The following TP53INP1 variants were observed in gnomAD, a reference collection of about 807,000 sequenced individuals.
The protein encoded by TP53INP1 is tumor protein p53 inducible nuclear protein 1.
In TP53INP1, 12 loss-of-function variants were observed where a neutral mutation model predicts 21.0. The ratio of observed to expected loss-of-function variants is 0.57; its 90% CI spans 0.37 to 0.93. The LOEUF is 0.93. TP53INP1 is among the 40% of genes least tolerant of loss of function. The probability of loss-of-function intolerance (pLI) is 0.01; values close to 1 mark genes in which losing one functional copy is unlikely to be tolerated. For missense variants in TP53INP1, 274 were observed against 294.7 expected, an observed-to-expected ratio of 0.93 and a Z score of 0.51; for synonymous variants, 91 against 94.8, an observed-to-expected ratio of 0.96 and a Z score of 0.23.
intron 1 of TP53INP1, among the ~76,000 whole-genome samples, chr8:94,944,995 C>T (rs1436655667): frequency 6.6e-6 from 1 of 152,192 alleles, no homozygotes; most frequent in Non-Finnish European, 1.5e-5. Flanking sequence ...CTAAAACTGT[C>T]CACTGAGGTA....
Position 94,949,138 on chromosome 8 carries a change from C to CCG in TP53INP1, c.-151+15_-151+16insCG, listed in dbSNP as rs1822311046. The CCG allele has an allele frequency of 6.7e-6, 1 of 149,382 alleles. No homozygotes were observed. Among genetic ancestry groups the CCG allele is most frequent in the South Asian group, 2.1e-4 (1 of 4,822 alleles). 9.3% of individuals were successfully genotyped at this position (149,382 alleles called of 1,614,324 possible). On this transcript the variant is annotated intron_variant, in intron 1 of 3. Coordinates refer to ENST00000342697, the MANE Select transcript of TP53INP1 (RefSeq NM_033285.4). The stretch of plus-strand genomic sequence containing the variant: ...GGCCCTGGACGGACGCCCGCCCGCC[C>CCG]CCCCCCGGCACTTACGTGGGCCCGG...
chr8:94,942,799 C>T (rs1286903150), intron 1 of TP53INP1, among the ~76,000 whole-genome samples: 2 of 152,142 alleles, frequency 1.3e-5, no homozygotes, highest in Non-Finnish European at 2.9e-5. Flanking sequence ...GGCAAAGGAA[C>T]ACTATGGAAG....
intron 3 of TP53INP1, among the ~76,000 whole-genome samples, chr8:94,938,293 T>G (rs182194896): frequency 1.4e-4 from 22 of 152,350 alleles, no homozygotes; most frequent in Non-Finnish European, 2.9e-5. Flanking sequence ...GATTCTGGTG[T>G]TGTGCCAGTA....
intron 1 of TP53INP1, among the ~76,000 whole-genome samples, chr8:94,941,983 A>C (rs1270215153): frequency 6.6e-6 from 1 of 152,012 alleles, no homozygotes; most frequent in African/African-American, 2.4e-5. Context: ...CTTTCTCAGG[A>C]AGCAGCAGCA....
intron 2 of TP53INP1, 34 bp from the exon 3 acceptor site, chr8:94,940,254 T>C (rs746318392): frequency 1.9e-6 from 3 of 1,559,752 alleles, no homozygotes; most frequent in Non-Finnish European, 2.6e-6. Context: ...TCCACATGTG[T>C]TGTTGAAGAG....
At chr8:94,931,050 C>G (rs1210580108) in intron 3 of TP53INP1, among the ~76,000 whole-genome samples, 1 of 152,164 alleles carries the variant, frequency 6.6e-6, no homozygotes, top group East Asian at 1.9e-4. Flanking sequence ...GGGAGGGGAG[C>G]TAACATTTAT....
intron 3 of TP53INP1, among the ~76,000 whole-genome samples, chr8:94,937,069 A>G (rs556645952): frequency 6.6e-6 from 1 of 152,280 alleles, no homozygotes; most frequent in African/African-American, 2.4e-5. Context: ...TACTTAACCA[A>G]TGGAAGATGC....
At position 94,947,161 on chromosome 8, in the gene TP53INP1, C is replaced by T. The variant is rs146883579; in HGVS notation, c.-151+1993G>A. On this transcript the variant is annotated intron_variant, in intron 1 of 3. Coordinates refer to ENST00000342697, the MANE Select transcript of TP53INP1 (RefSeq NM_033285.4). ...ATTAGGGCAAAAATCCATCTGATTCCAATTCCTTGTTTTCCCTATACATGC... is the reference window on the plus strand; with the variant it reads ...ATTAGGGCAAAAATCCATCTGATTCTAATTCCTTGTTTTCCCTATACATGC... 9.7e-3 allele frequency among the ~76,000 whole-genome samples: 1,477 copies of T among 152,138 alleles called. 16 individuals carry two copies. The highest frequency in any genetic ancestry group is 0.011 in the Non-Finnish European group (777 of 68,014).
rs1294134246 is a variant in TP53INP1, at chr8:94,938,771, A to G, written c.473+1089T>C. Among the ~76,000 whole-genome samples the G allele has an allele frequency of 2.0e-5, 3 of 152,166 alleles. No homozygotes were observed. The East Asian group carries it at 5.8e-4, about 29-fold the overall frequency. On this transcript the variant is annotated intron_variant, in intron 3 of 3. Coordinates refer to ENST00000342697, the MANE Select transcript of TP53INP1 (RefSeq NM_033285.4). ...GCATCCCTTCATCTGTATCCTTTTTAATAAACTGGTAAACATGTTCCCCCA... is the reference window on the plus strand; with the variant it reads ...GCATCCCTTCATCTGTATCCTTTTTGATAAACTGGTAAACATGTTCCCCCA...
chr8:94,938,936 G>A (rs1320859476), intron 3 of TP53INP1, among the ~76,000 whole-genome samples: 1 of 152,176 alleles, frequency 6.6e-6, no homozygotes, highest in Non-Finnish European at 1.5e-5. Context: ...AGTCTTTTGG[G>A]ACTAAGCCTT....
intron 1 of TP53INP1, among the ~76,000 whole-genome samples, chr8:94,948,834 G>A (rs972832290): frequency 3.3e-5 from 5 of 152,054 alleles, no homozygotes; most frequent in Non-Finnish European, 4.4e-5. Flanking sequence ...ACGCTCGGGG[G>A]AGGAGGCAGA....
chr8:94,946,077 C>G (rs1298754545), intron 1 of TP53INP1, among the ~76,000 whole-genome samples: 1 of 150,186 alleles, frequency 6.7e-6, no homozygotes, highest in African/African-American at 2.4e-5. Context: ...CTTGTTCCCA[C>G]CACTTAACAC....
chr8:94,948,829 C>G (rs370843658), intron 1 of TP53INP1, among the ~76,000 whole-genome samples: 18 of 152,014 alleles, frequency 1.2e-4, no homozygotes. Flanking sequence ...AAGCCACGCT[C>G]GGGGGAGGAG....
intron 3 of TP53INP1, among the ~76,000 whole-genome samples, chr8:94,937,183 A>G (rs1821060443): frequency 6.6e-6 from 1 of 152,192 alleles, no homozygotes; most frequent in South Asian, 2.1e-4. Context: ...ACAGCCCATA[A>G]TGCCCAAAAA....
intron 1 of TP53INP1, among the ~76,000 whole-genome samples, chr8:94,941,563 T>G (rs1408606488): frequency 1.3e-5 from 2 of 152,244 alleles, no homozygotes; most frequent in Admixed American, 6.5e-5. Context: ...CACACCTGAT[T>G]ACACTTAAAA....
chr8:94,927,933 T>C lies in TP53INP1; in HGVS notation c.*2546A>G, dbSNP rs1820044652. On this transcript the variant is annotated 3_prime_UTR_variant, in exon 4 of 4. Coordinates refer to ENST00000342697, the MANE Select transcript of TP53INP1 (RefSeq NM_033285.4). ...ATAGCAAAAAAAAAAGCTCATAAAATGCATTTTGGCCATGTTTCAGAGAAT... is the reference window on the plus strand; with the variant it reads ...ATAGCAAAAAAAAAAGCTCATAAAACGCATTTTGGCCATGTTTCAGAGAAT... The C allele has an allele frequency of 6.7e-6, 1 of 148,764 alleles. No individual in the cohort carries two copies. The highest frequency in any genetic ancestry group is 2.5e-5 in the African/African-American group (1 of 40,732). The allele number at this position is 148,764 out of a possible 1,614,324, so 9.2% of individuals were successfully genotyped here.
At chr8:94,932,388 A>G (rs1019658849) in intron 3 of TP53INP1, among the ~76,000 whole-genome samples, 3 of 152,356 alleles carry the variant, frequency 2.0e-5, no homozygotes, top group East Asian at 1.9e-4. Context: ...AATGGAAGCA[A>G]TCTGACTTCT....
chr8:94,938,160 C>T (rs1261648354), intron 3 of TP53INP1, among the ~76,000 whole-genome samples: 1 of 152,214 alleles, frequency 6.6e-6, no homozygotes, highest in Admixed American at 6.5e-5. Context: ...TACGTGTTTG[C>T]TAAAACCATT....
In TP53INP1 at chr8:94,939,903, CCTCA is replaced by C. The variant is rs1367175033; in HGVS notation, c.426_429del (p.Ser142ArgfsTer53). On this transcript the variant is annotated frameshift_variant, in exon 3 of 4. Transcript: ENST00000342697. LOFTEE classifies it high-confidence loss of function. Reference sequence around the variant, plus strand: ...TGTAATTCATCAGTCCCACGGGTGGCCTCACTGAGACCAGGGCAGGAGTTATGCA... The same window carrying C: ...TGTAATTCATCAGTCCCACGGGTGGCCTGAGACCAGGGCAGGAGTTATGCA... The C allele has an allele frequency of 6.2e-7, 1 of 1,613,852 alleles. No homozygotes were observed. The highest frequency in any genetic ancestry group is 8.5e-7 in the Non-Finnish European group (1 of 1,179,936).
Sources: allele counts gnomAD v4.1 joint callset (sites outside exome capture counted in the v4.1 genomes callset), GRCh38; gene constraint gnomAD v4.1.1; transcripts MANE v1.5; gene names NCBI Gene and HGNC (gene_info 2026-07-23, HGNC 2026-07-21).